HERC6: variants seen among roughly 807,000 people sequenced by gnomAD.
The protein encoded by HERC6 is probable E3 ubiquitin-protein ligase HERC6.
A neutral mutation model predicts 114.5 loss-of-function variants in HERC6; 101 were observed. The ratio of observed to expected loss-of-function variants is 0.88; its 90% CI spans 0.75 to 1.04. The LOEUF (loss-of-function observed/expected upper bound fraction) is 1.04, where lower values mean the gene tolerates loss of function less well. Among genes scored for constraint, HERC6 ranks in the 50% least tolerant of loss-of-function variants. HERC6 has a pLI of 0.00. For synonymous variants in HERC6, 408 were observed against 436.2 expected (o/e 0.94, Z 0.81); for missense variants, 1,133 against 1,230.9 (o/e 0.92, Z 1.19).
intron 11 of HERC6, among the ~76,000 whole-genome samples, chr4:88,411,975 C>G (rs1382365976): frequency 1.3e-5 from 2 of 152,178 alleles, no homozygotes; most frequent in African/African-American, 4.8e-5. Context: ...CTGCCATCTT[C>G]CTATAAACCC....
At chr4:88,384,364 G>GT (rs1178609296) in intron 2 of HERC6, among the ~76,000 whole-genome samples, 2 of 152,168 alleles carry the variant, frequency 1.3e-5, no homozygotes, top group Admixed American at 1.3e-4. Flanking sequence ...TGGAAGAGAA[G>GT]TTTTTTTCTC....
chr4:88,392,391 T>C (rs1734969328), intron 4 of HERC6, among the ~76,000 whole-genome samples: 1 of 151,546 alleles, frequency 6.6e-6, no homozygotes, highest in East Asian at 2.0e-4. Context: ...GGTTTCACCA[T>C]GTTGCCCAGG....
intron 12 of HERC6, among the ~76,000 whole-genome samples, 152 bp from the exon 13 acceptor site, chr4:88,417,273 T>C (rs1736570507): frequency 6.6e-6 from 1 of 152,220 alleles, no homozygotes; most frequent in Non-Finnish European, 1.5e-5. Context: ...CAGTAACTGT[T>C]GTGCAGGATA....
rs765040344 is a variant in HERC6 at position 88,396,094 on chromosome 4, A to C, written c.839A>C (p.Gln280Pro). ...YSPTPEKRGP[Q>P]LVERIDGLVS... ...CCCACTCCTGAGAAGAGAGGTCCAC[A>C]ACTTGTGGAAAGAATTGATGGCCTA... is the stretch of plus-strand genomic sequence containing the variant. Residue 280 changes from glutamine to proline, a missense_variant, in exon 6 of 23, where the codon CAA becomes CCA. This residue lies in a region of HERC6 where 735 missense variants were observed against 754.0 expected (regional missense o/e 0.97). Transcript: ENST00000264346. 1 of 1,606,848 alleles carries C rather than the reference A, an allele frequency of 6.2e-7. No homozygotes were observed. Among genetic ancestry groups the C allele is most frequent in the Non-Finnish European group, 8.5e-7 (1 of 1,176,546 alleles).
chr4:88,386,464 C>T (rs1053337051), intron 3 of HERC6, among the ~76,000 whole-genome samples: 22 of 152,208 alleles, frequency 1.4e-4, no homozygotes, highest in Admixed American at 1.3e-3. Context: ...CCTTGGTCTC[C>T]CAAAGTGCTA....
chr4:88,431,171 A>G lies in HERC6; in HGVS notation c.2116A>G (p.Ile706Val). Reference sequence around the variant, plus strand: ...TGTTCTCTTTCCTTAGGTTGAATTTATTAATGAAATTTGTCCTGAGTCTGG... The same window carrying G: ...TGTTCTCTTTCCTTAGGTTGAATTTGTTAATGAAATTTGTCCTGAGTCTGG... Reference protein sequence around the residue: ...DFCKVLVVEFINEICPESGGV... With the variant: ...DFCKVLVVEFVNEICPESGGV... The change falls in exon 17 of 23, where the codon ATT (isoleucine) becomes GTT (valine). Residue 706 changes from isoleucine (I) to valine (V), a missense_variant. Ile to Val is a conservative substitution (Grantham distance 29, BLOSUM62 3). This residue lies in a region of HERC6 where 388 missense variants were observed against 445.9 expected (regional missense o/e 0.87). Transcript: ENST00000264346. The G allele has an allele frequency of 6.2e-7, 1 of 1,606,664 alleles. No homozygotes were observed. The highest frequency in any genetic ancestry group is 8.5e-7 in the Non-Finnish European group (1 of 1,177,802).
In HERC6 at chr4:88,440,023, G is replaced by A. The variant is rs770439504; in HGVS notation, c.2705G>A (p.Gly902Glu). The A allele has an allele frequency of 1.2e-6, 2 of 1,610,990 alleles. No individual in the cohort carries two copies. The highest frequency in any genetic ancestry group is 2.2e-5 in the South Asian group (2 of 90,130). Residue 902 changes from glycine (G) to glutamate (E), a missense_variant, in exon 21 of 23, where the codon GGA becomes GAA. By Grantham distance (98) the Gly-to-Glu change is moderately conservative (BLOSUM62 -2). Coordinates refer to ENST00000264346, the MANE Select transcript of HERC6 (RefSeq NM_017912.4). ...GAAGAACTAATGACAGCAATCATTG[G>A]AAATACTGATTATGACTGGAAACAG... ...YPEELMTAII[G>E]NTDYDWKQFE...
chr4:88,422,299 A>G (rs535808562), intron 13 of HERC6, among the ~76,000 whole-genome samples: 1 of 152,126 alleles, frequency 6.6e-6, no homozygotes, highest in East Asian at 1.9e-4. Flanking sequence ...TTTTGTTCCT[A>G]TTTATTTTTC....
chr4:88,439,530 T>C (rs1289273185), intron 20 of HERC6, among the ~76,000 whole-genome samples: 4 of 152,152 alleles, frequency 2.6e-5, no homozygotes, highest in African/African-American at 9.6e-5. Flanking sequence ...GGAAGGCCTG[T>C]TGATCCCTGC....
chr4:88,422,627 C>T (rs1438558688), intron 13 of HERC6, among the ~76,000 whole-genome samples: 1 of 152,082 alleles, frequency 6.6e-6, no homozygotes, highest in African/African-American at 2.4e-5. Context: ...TCAAAGATTC[C>T]ATTTGCTGAT....
At chr4:88,420,919 C>T (rs1736984434) in intron 13 of HERC6, among the ~76,000 whole-genome samples, 1 of 152,184 alleles carries the variant, frequency 6.6e-6, no homozygotes, top group East Asian at 1.9e-4. Flanking sequence ...ACTCCCCATT[C>T]CCCATTCCCC....
chr4:88,397,415 CAT>C (rs940393955), intron 7 of HERC6, among the ~76,000 whole-genome samples: 4 of 151,966 alleles, frequency 2.6e-5, no homozygotes, highest in Non-Finnish European at 4.4e-5. Flanking sequence ...CCTGGCTGTA[CAT>C]ATATATATGG....
At chr4:88,382,062 G>A (rs1323591730) in intron 1 of HERC6, among the ~76,000 whole-genome samples, 1 of 152,054 alleles carries the variant, frequency 6.6e-6, no homozygotes, top group African/African-American at 2.4e-5. Flanking sequence ...ACCCCAAATT[G>A]TTCTCTAGAA....
At chr4:88,423,001 A>G (rs1216245720) in intron 13 of HERC6, among the ~76,000 whole-genome samples, 1 of 147,606 alleles carries the variant, frequency 6.8e-6, no homozygotes, top group African/African-American at 2.5e-5. Flanking sequence ...TCCTATTTTT[A>G]TCTTTTTAAT....
At chr4:88,379,757 A>T (rs1221467802) in intron 1 of HERC6, among the ~76,000 whole-genome samples, 9 of 99,412 alleles carry the variant, frequency 9.1e-5, no homozygotes, top group African/African-American at 3.4e-4. Flanking sequence ...ATAACATATA[A>T]ATATATATAA....
intron 4 of HERC6, among the ~76,000 whole-genome samples, chr4:88,392,321 T>C (rs1734965366): frequency 6.6e-6 from 1 of 150,804 alleles, no homozygotes. Context: ...AATTTTTGTA[T>C]TTTTTGTAGT....
intron 5 of HERC6, among the ~76,000 whole-genome samples, chr4:88,395,127 C>T (rs1270924779): frequency 1.3e-5 from 2 of 152,052 alleles, no homozygotes; most frequent in African/African-American, 2.4e-5. Flanking sequence ...AAACTATATG[C>T]CCCCAATTAT....
intron 10 of HERC6, among the ~76,000 whole-genome samples, chr4:88,406,108 CT>C (rs1735802179): frequency 6.6e-6 from 1 of 152,232 alleles, no homozygotes. Context: ...ATATTTGGGT[CT>C]TCTATTTCTG....
intron 15 of HERC6, among the ~76,000 whole-genome samples, chr4:88,425,869 T>C (rs555074690): frequency 6.2e-4 from 95 of 152,324 alleles, no homozygotes; most frequent in Non-Finnish European, 9.7e-4. Flanking sequence ...CTATGATATT[T>C]ATATTTTAAA....
Sources: gnomAD v4.1 joint callset for allele counts (sites outside exome capture counted in the v4.1 genomes callset) on GRCh38, gnomAD v4.1.1 for gene constraint, gnomAD v4.1.1 regional missense constraint, MANE v1.5 for transcripts, NCBI Gene and HGNC (gene_info 2026-07-23, HGNC 2026-07-21) for gene names.